POLA2: variants seen among roughly 807,000 people sequenced by gnomAD.
POLA2 encodes the protein DNA polymerase alpha 2, accessory subunit.
A neutral mutation model predicts 82.8 loss-of-function variants in POLA2; 47 were observed. The ratio of observed to expected loss-of-function variants is 0.57; its 90% CI spans 0.45 to 0.72. POLA2 has a LOEUF of 0.72. Among genes scored for constraint, POLA2 ranks in the 30% least tolerant of loss-of-function variants. POLA2 has a pLI of 0.00. For missense variants in POLA2, 634 were observed against 728.1 expected (o/e 0.87, Z 1.49); for synonymous variants, 287 against 286.8 (o/e 1.00, Z -0.01).
At chr11:65,300,954 C>A (rs1949856404), downstream of POLA2, among the ~76,000 whole-genome samples, 1 of 152,218 alleles carries the variant, frequency 6.6e-6, no homozygotes, top group South Asian at 2.1e-4. Flanking sequence ...GTCCGCCATT[C>A]TTTTTTATGG....
chr11:65,280,901 C>A, intron 7 of POLA2, 91 bp from the exon 8 acceptor site: 1 of 1,232,884 alleles, frequency 8.1e-7, no homozygotes, highest in Non-Finnish European at 1.2e-6. Flanking sequence ...TTGTTGTTTG[C>A]AGTTTGTTTT....
Position 65,297,110 on chromosome 11 carries a change from T to C in POLA2, c.1648-10T>C. The C allele has an allele frequency of 2.5e-6, 4 of 1,613,822 alleles. No individual in the cohort carries two copies. The highest frequency in any genetic ancestry group is 3.4e-6 in the Non-Finnish European group (4 of 1,179,910). On this transcript the variant is annotated splice_polypyrimidine_tract_variant and intron_variant, in intron 17 of 17. Transcript: ENST00000265465. ...CTCTCCAAACCTGTCACCTCTCCTCTCCTCCCCAGGATGTCCTCGGCTGTG... is the reference window on the plus strand; with the variant it reads ...CTCTCCAAACCTGTCACCTCTCCTCCCCTCCCCAGGATGTCCTCGGCTGTG...
At chr11:65,281,945 G>T (rs549053102) in intron 9 of POLA2, among the ~76,000 whole-genome samples, 1 of 152,248 alleles carries the variant, frequency 6.6e-6, no homozygotes, top group East Asian at 1.9e-4. Flanking sequence ...TAGCTATATG[G>T]TCTCTGTCAC....
intron 15 of POLA2, among the ~76,000 whole-genome samples, 192 bp from the exon 16 acceptor site, chr11:65,295,348 C>T (rs1215056262): frequency 3.3e-5 from 5 of 152,150 alleles, no homozygotes; most frequent in Non-Finnish European, 5.9e-5. Context: ...TGGTGTCCTG[C>T]GTCCCTCCTC....
intron 1 of POLA2, among the ~76,000 whole-genome samples, chr11:65,264,913 C>T (rs1165892795): frequency 1.3e-5 from 2 of 152,212 alleles, no homozygotes; most frequent in Non-Finnish European, 1.5e-5. Context: ...CACTCCAGTT[C>T]TCTCCTTCCC....
At chr11:65,275,666 C>T (rs527268937) in intron 4 of POLA2, among the ~76,000 whole-genome samples, 99 of 152,246 alleles carry the variant, frequency 6.5e-4, no homozygotes, top group African/African-American at 1.6e-3. Context: ...TTTGCTTTCT[C>T]GTAATTGCCT....
At chr11:65,296,380 T>C (rs1949810929) in intron 17 of POLA2, 2 of 203,112 alleles carry the variant, frequency 9.8e-6, no homozygotes, top group East Asian at 2.4e-4. Flanking sequence ...GAAGAAGCTA[T>C]TGGGTCATTT....
intron 14 of POLA2, 119 bp from the exon 15 acceptor site, chr11:65,294,427 T>C: frequency 1.0e-6 from 1 of 980,768 alleles, no homozygotes; most frequent in African/African-American, 1.6e-5. Flanking sequence ...AAGCTTGATG[T>C]ATGTTGGTTT....
chr11:65,294,111 C>T (rs1376639406), intron 13 of POLA2, 42 bp from the exon 14 acceptor site: 2 of 1,553,960 alleles, frequency 1.3e-6, no homozygotes, highest in Non-Finnish European at 1.8e-6. Context: ...CTCAACTGCA[C>T]TCACTTTTCT....
chr11:65,294,926 C>CT, intron 15 of POLA2: 1 of 337,898 alleles, frequency 3.0e-6, no homozygotes, highest in Non-Finnish European at 5.4e-6. Flanking sequence ...CAAAATTCAT[C>CT]TACATTTTCT....
intron 4 of POLA2, 76 bp downstream of exon 4, chr11:65,268,805 G>A: frequency 1.0e-6 from 1 of 982,444 alleles, no homozygotes; most frequent in Non-Finnish European, 1.5e-6. Context: ...GAAGATCTGA[G>A]GGAAAAAATC....
chr11:65,299,084 G>C (rs957930772), downstream of POLA2, among the ~76,000 whole-genome samples: 2 of 152,206 alleles, frequency 1.3e-5, no homozygotes, highest in East Asian at 3.9e-4. Flanking sequence ...ACCGTCCCTA[G>C]ACCCCACTTC....
intron 10 of POLA2, among the ~76,000 whole-genome samples, chr11:65,284,882 A>T (rs936373986): frequency 6.6e-6 from 1 of 152,218 alleles, no homozygotes; most frequent in Non-Finnish European, 1.5e-5. Flanking sequence ...CAACCAGATC[A>T]CTGATACTAG....
intron 3 of POLA2, among the ~76,000 whole-genome samples, chr11:65,267,854 C>G (rs1172856566): frequency 6.6e-6 from 1 of 151,486 alleles, no homozygotes; most frequent in Non-Finnish European, 1.5e-5. Flanking sequence ...TGCAATGGTG[C>G]AATCTCAGCT....
In POLA2 at chr11:65,282,569, C is replaced by T. The variant is rs531179851; in HGVS notation, c.1006+48C>T. ...TTTTGCCAACAATGAGGATGGTAGACATGAGTCCAGGAGTGCAGTTTCCCA... is the reference window on the plus strand; with the variant it reads ...TTTTGCCAACAATGAGGATGGTAGATATGAGTCCAGGAGTGCAGTTTCCCA... On this transcript the variant is annotated intron_variant, in intron 10 of 17. Coordinates refer to ENST00000265465, the MANE Select transcript of POLA2 (RefSeq NM_002689.4). 6.6e-6 allele frequency: 10 copies of T among 1,508,222 alleles called. No homozygotes were observed. In the South Asian group the frequency reaches 1.0e-4, roughly 15 times the overall value. The allele number at this position is 1,508,222 out of a possible 1,614,324, so 93.4% of individuals were successfully genotyped here.
Position 65,287,793 on chromosome 11 carries a change from G to C in POLA2, c.1084G>C (p.Asp362His). The C allele has an allele frequency of 6.2e-7, 1 of 1,613,850 alleles. No homozygotes were observed. The highest frequency in any genetic ancestry group is 1.1e-5 in the South Asian group (1 of 91,024). Residue 362 changes from aspartate to histidine, a missense_variant, in exon 11 of 18, where the codon GAC becomes CAC. Physicochemically the swap from Asp to His is moderately conservative, Grantham distance 81. Transcript: ENST00000265465. ...CAGCATCACGTATGACCCCCTGCTT[G>C]ACCTGATTGCTGTCATCAACCATGA... ...SDSITYDPLL[D>H]LIAVINHDRP...
chr11:65,263,519 C>T (rs1949423974), intron 1 of POLA2, among the ~76,000 whole-genome samples: 1 of 152,120 alleles, frequency 6.6e-6, no homozygotes, highest in Non-Finnish European at 1.5e-5. Context: ...CCAGCAGGCT[C>T]GGTCCTTCTC....
Position 65,282,485 on chromosome 11 carries a change from C to T in POLA2, c.970C>T (p.Pro324Ser). The T allele has an allele frequency of 6.2e-6, 10 of 1,613,652 alleles. No homozygotes were observed. Among genetic ancestry groups the T allele is most frequent in the Non-Finnish European group, 8.5e-6 (10 of 1,179,592 alleles). Residue 324 changes from proline to serine, a missense_variant, in exon 10 of 18, where the codon CCA becomes TCA. Coordinates refer to ENST00000265465, the MANE Select transcript of POLA2 (RefSeq NM_002689.4). ...LVATKLYEGVPLPFYQPTEED... is the reference protein window; with the variant it reads ...LVATKLYEGVSLPFYQPTEED... Reference sequence around the variant, plus strand: ...GCTTTTCCCCTGTTTTTAGGGTGTGCCACTTCCATTTTATCAGCCCACTGA... The same window carrying T: ...GCTTTTCCCCTGTTTTTAGGGTGTGTCACTTCCATTTTATCAGCCCACTGA...
intron 10 of POLA2, among the ~76,000 whole-genome samples, chr11:65,286,903 A>C (rs1949703167): frequency 6.6e-6 from 1 of 152,154 alleles, no homozygotes; most frequent in Non-Finnish European, 1.5e-5. Flanking sequence ...CGAGGCTTGG[A>C]ACCAAGATGA....
Sources: gnomAD v4.1 joint callset for allele counts (sites outside exome capture counted in the v4.1 genomes callset) on GRCh38, gnomAD v4.1.1 for gene constraint, MANE v1.5 for transcripts, NCBI Gene and HGNC (gene_info 2026-07-23, HGNC 2026-07-21) for gene names.